The following TIGAR variants were observed in gnomAD, a reference collection of about 807,000 sequenced individuals.
The protein encoded by TIGAR is fructose-2,6-bisphosphatase TIGAR.
In TIGAR, 7 loss-of-function variants were observed where a neutral mutation model predicts 17.9. The ratio of observed to expected loss-of-function variants is 0.39; its 90% confidence interval spans 0.22 to 0.73. The LOEUF is 0.73. Among genes scored for constraint, TIGAR ranks in the 30% least tolerant of loss-of-function variants. The probability of loss-of-function intolerance (pLI) is 0.42; values close to 1 mark genes in which losing one functional copy is unlikely to be tolerated. For missense variants in TIGAR, 258 were observed against 327.4 expected (o/e 0.79, Z 1.64); for synonymous variants, 94 against 108.6 (o/e 0.87, Z 0.84).
chr12:4,333,446 C>T (rs1453260418), intron 2 of TIGAR, among the ~76,000 whole-genome samples: 1 of 151,322 alleles, frequency 6.6e-6, no homozygotes, highest in Non-Finnish European at 1.5e-5. Context: ...CCCGGCACCA[C>T]ACCTGGCTCA....
In TIGAR at chr12:4,324,817, C is replaced by A; in HGVS notation, c.32+3514C>A. The A allele has an allele frequency of 5.2e-6, 3 of 573,238 alleles. No individual in the cohort carries two copies. The South Asian group carries it at 6.7e-5, about 13-fold the overall frequency. 35.5% of individuals were successfully genotyped at this position (573,238 alleles called of 1,614,324 possible). ...TTCTGCTCTACCTCGGCCATCTTGT[C>A]GGATCCTCAGAAAAGTTCACTTCCA... On this transcript the variant is annotated intron_variant, in intron 1 of 5. Transcript: ENST00000179259.
At chr12:4,347,264 A>C (rs1049111183) in intron 3 of TIGAR, among the ~76,000 whole-genome samples, 1 of 152,192 alleles carries the variant, frequency 6.6e-6, no homozygotes, top group Non-Finnish European at 1.5e-5. Flanking sequence ...ATGGAACTGG[A>C]GGTCATTATG....
At chr12:4,339,312 A>G (rs1864694665) in intron 3 of TIGAR, among the ~76,000 whole-genome samples, 1 of 152,196 alleles carries the variant, frequency 6.6e-6, no homozygotes. Context: ...GGAAATGCAC[A>G]AATTCCTAGA....
In TIGAR at chr12:4,324,717, C is replaced by A; in HGVS notation, c.32+3414C>A. Reference sequence around the variant, plus strand: ...ACGCACTGTACAGCTGCGTCAGCTGCTCGCAGGACACGTCCCGTCCCGCAG... The same window carrying A: ...ACGCACTGTACAGCTGCGTCAGCTGATCGCAGGACACGTCCCGTCCCGCAG... On this transcript the variant is annotated intron_variant, in intron 1 of 5. Coordinates refer to ENST00000179259, the MANE Select transcript of TIGAR (RefSeq NM_020375.3). The A allele has an allele frequency of 4.1e-6, 3 of 739,860 alleles. No individual in the cohort carries two copies. In the South Asian group the frequency reaches 4.6e-5, roughly 11 times the overall value. The allele number at this position is 739,860 out of a possible 1,614,324, so 45.8% of individuals were successfully genotyped here.
intron 1 of TIGAR, among the ~76,000 whole-genome samples, chr12:4,330,575 C>T (rs1430194235): frequency 1.3e-5 from 2 of 152,152 alleles, no homozygotes; most frequent in African/African-American, 4.8e-5. Flanking sequence ...GCTGTCTGTC[C>T]AGTCTTGCCC....
At position 4,353,716 on chromosome 12, in the gene TIGAR, C is replaced by G. The variant is rs1264638427; in HGVS notation, c.*1025C>G. 1 of 152,544 alleles carries G rather than the reference C, an allele frequency of 6.6e-6. No homozygotes were observed. Among genetic ancestry groups the G allele is most frequent in the Non-Finnish European group, 1.5e-5 (1 of 68,242 alleles). The allele number at this position is 152,544 out of a possible 1,614,324, so 9.4% of individuals were successfully genotyped here. A position where few individuals can be genotyped will look rare whatever the true frequency, so the allele number is the denominator to read the frequency against. On this transcript the variant is annotated 3_prime_UTR_variant, in exon 6 of 6. Coordinates refer to ENST00000179259, the MANE Select transcript of TIGAR (RefSeq NM_020375.3). ...AGGCGTGGTAGCAGGCGCCTGTAAT[C>G]CCAGCTACTTGGGAGGTTGAGGCAG...
At chr12:4,342,031 A>G (rs1201288790) in intron 3 of TIGAR, among the ~76,000 whole-genome samples, 1 of 152,230 alleles carries the variant, frequency 6.6e-6, no homozygotes, top group Non-Finnish European at 1.5e-5. Flanking sequence ...CAATGCAGAG[A>G]AGTCCTTAAA....
intron 3 of TIGAR, 114 bp from the exon 4 acceptor site, chr12:4,349,705 C>T (rs1864816963): frequency 1.2e-6 from 1 of 828,382 alleles, no homozygotes; most frequent in Non-Finnish European, 1.9e-6. Context: ...GTGTGAGCCA[C>T]CGTGCCTGGT....
In TIGAR at chr12:4,352,196, A is replaced by G. The variant is rs539289834; in HGVS notation, c.382-64A>G. The stretch of plus-strand genomic sequence containing the variant: ...AAAAAAATCCAGTCAGTTATGTTCT[A>G]TGTTAACGTTTTAAGGAAGTCATTA... On this transcript the variant is annotated intron_variant, in intron 5 of 5. Coordinates refer to ENST00000179259, the MANE Select transcript of TIGAR (RefSeq NM_020375.3). The G allele has an allele frequency of 2.3e-4, 323 of 1,390,962 alleles. 2 individuals carry two copies. The highest frequency in any genetic ancestry group is 3.0e-4 in the Non-Finnish European group (307 of 1,018,554). The allele number at this position is 1,390,962 out of a possible 1,614,324, so 86.2% of individuals were successfully genotyped here.
At chr12:4,346,921 G>A (rs185530513) in intron 3 of TIGAR, among the ~76,000 whole-genome samples, 146 of 152,252 alleles carry the variant, frequency 9.6e-4, no homozygotes, top group African/African-American at 3.4e-3. Context: ...GGCCATGGAG[G>A]AAAGGGAACA....
Position 4,357,471 on chromosome 12 carries a change from A to G in TIGAR, c.*4780A>G, listed in dbSNP as rs988472697. Among the ~76,000 whole-genome samples, 2 of 152,192 alleles carry G rather than the reference A, an allele frequency of 1.3e-5. No individual in the cohort carries two copies. The highest frequency in any genetic ancestry group is 2.9e-5 in the Non-Finnish European group (2 of 68,012). ...AGTTTGGAAATTGAATGGGGCTCCTAGAAAACATCCTTGTTTCATGTAAAT... is the reference window on the plus strand; with the variant it reads ...AGTTTGGAAATTGAATGGGGCTCCTGGAAAACATCCTTGTTTCATGTAAAT... On this transcript the variant is annotated 3_prime_UTR_variant, in exon 6 of 6. Coordinates refer to ENST00000179259, the MANE Select transcript of TIGAR (RefSeq NM_020375.3).
chr12:4,331,176 C>A, intron 1 of TIGAR, 104 bp from the exon 2 acceptor site: 1 of 977,438 alleles, frequency 1.0e-6, no homozygotes. Flanking sequence ...ACAAGTTTCA[C>A]ATGATATTTT....
At chr12:4,332,531 G>A (rs113524556) in intron 2 of TIGAR, among the ~76,000 whole-genome samples, 3,037 of 152,256 alleles carry the variant, frequency 0.02, 93 homozygotes, top group African/African-American at 0.069. Flanking sequence ...GGCCTGAGCC[G>A]CCGCACGCGG....
In TIGAR at chr12:4,356,128, G is replaced by A. The variant is rs762217911; in HGVS notation, c.*3437G>A. ...CAATGTGGAGAGCAGGCTGTAGGGG[G>A]TGCTATAGGAGCACAAGGTTGGAGG... On this transcript the variant is annotated 3_prime_UTR_variant, in exon 6 of 6. Transcript: ENST00000179259. 6.6e-6 allele frequency among the ~76,000 whole-genome samples: 1 copy of A among 152,180 alleles called. No homozygotes were observed. Among genetic ancestry groups the A allele is most frequent in the Non-Finnish European group, 1.5e-5 (1 of 68,024 alleles).
In TIGAR at chr12:4,357,164, A is replaced by G. The variant is rs950515411; in HGVS notation, c.*4473A>G. Among the ~76,000 whole-genome samples the G allele has an allele frequency of 1.1e-4, 16 of 152,240 alleles. No homozygotes were observed. The highest frequency in any genetic ancestry group is 3.9e-4 in the African/African-American group (16 of 41,472). On this transcript the variant is annotated 3_prime_UTR_variant, in exon 6 of 6. Transcript: ENST00000179259. ...GGCTTAGGCTTATGCAGGAAGTGCAATATTTGGCCATATCACTTAAGTACA... is the reference window on the plus strand; with the variant it reads ...GGCTTAGGCTTATGCAGGAAGTGCAGTATTTGGCCATATCACTTAAGTACA...
At chr12:4,333,847 G>T (rs1003243801) in intron 2 of TIGAR, among the ~76,000 whole-genome samples, 1 of 152,074 alleles carries the variant, frequency 6.6e-6, no homozygotes, top group African/African-American at 2.4e-5. Flanking sequence ...TGACCCATCT[G>T]CCTTGGCCTC....
In TIGAR at chr12:4,345,371, A is replaced by G. The variant is rs543039990; in HGVS notation, c.193-4448A>G. On this transcript the variant is annotated intron_variant, in intron 3 of 5. Coordinates refer to ENST00000179259, the MANE Select transcript of TIGAR (RefSeq NM_020375.3). The stretch of plus-strand genomic sequence containing the variant: ...TGACTTCAAACTATGCTACAAGGCT[A>G]CAGTAACCAAAACAGCATGGTACTG... Among the ~76,000 whole-genome samples, 795 of 152,380 alleles carry G rather than the reference A, an allele frequency of 5.2e-3. 3 individuals carry two copies. The highest frequency in any genetic ancestry group is 8.0e-3 in the Non-Finnish European group (544 of 68,038).
rs1473010921 is a variant in TIGAR at position 4,334,626 on chromosome 12, A to G, written c.71-2413A>G. 2.0e-5 allele frequency among the ~76,000 whole-genome samples: 3 copies of G among 152,358 alleles called. No homozygotes were observed. In the East Asian group the frequency reaches 5.8e-4, roughly 29 times the overall value. The stretch of plus-strand genomic sequence containing the variant: ...TTAGATGGCATTTAAATTTATGAAT[A>G]TATTTGCAAGTTTCTCTGCTCCTCA... On this transcript the variant is annotated intron_variant, in intron 2 of 5. Transcript: ENST00000179259.
rs1397961607 is a variant in TIGAR, at chr12:4,353,886, G to C, written c.*1195G>C. ...GTTGGGGGGGAGAGAATGTTGCTCT[G>C]ATAACCACAGCTGTGGTTATTTTGT... On this transcript the variant is annotated 3_prime_UTR_variant, in exon 6 of 6. Transcript: ENST00000179259. 5 of 152,704 alleles carry C rather than the reference G, an allele frequency of 3.3e-5. No individual in the cohort carries two copies. Among genetic ancestry groups the C allele is most frequent in the African/African-American group, 1.2e-4 (5 of 41,532 alleles). The allele number at this position is 152,704 out of a possible 1,614,324, so 9.5% of individuals were successfully genotyped here.
Sources: gnomAD v4.1 joint callset for allele counts (sites outside exome capture counted in the v4.1 genomes callset) on GRCh38, gnomAD v4.1.1 for gene constraint, MANE v1.5 for transcripts, NCBI Gene and HGNC (gene_info 2026-07-23, HGNC 2026-07-21) for gene names.